The following ABCA13 variants were observed in gnomAD, a reference collection of about 807,000 sequenced individuals.
ABCA13 encodes ATP binding cassette subfamily A member 13, also known as ATP-binding cassette sub-family A member 13.
Under a neutral mutation model 478.7 loss-of-function variants are expected in ABCA13, and 476 were observed. The ratio of observed to expected loss-of-function variants is 0.99; its 90% CI spans 0.92 to 1.07. The LOEUF (loss-of-function observed/expected upper bound fraction) is 1.07, where lower values mean the gene tolerates loss of function less well. Ranked by LOEUF, ABCA13 falls within the 50% of genes least tolerant of loss-of-function variation. The pLI is 0.00. For synonymous variants in ABCA13, 2,252 were observed against 2,158.9 expected (o/e 1.04, Z -1.20); for missense variants, 6,060 against 5,910.6 (o/e 1.03, Z -0.83).
chr7:48,557,732 G>T (rs184917676), intron 55 of ABCA13, among the ~76,000 whole-genome samples: 1 of 151,922 alleles, frequency 6.6e-6, no homozygotes, highest in Non-Finnish European at 1.5e-5. Flanking sequence ...AAGTAATCAC[G>T]GTTTTTGACA....
chr7:48,478,311 A>ATAT (rs1828376064), intron 45 of ABCA13, among the ~76,000 whole-genome samples: 1 of 104,582 alleles, frequency 9.6e-6, no homozygotes, highest in Non-Finnish European at 1.9e-5. Flanking sequence ...ATATATATAT[A>ATAT]ATCACACACA....
rs568677092 is a variant in ABCA13 at position 48,483,123 on chromosome 7, G to A, written c.13142G>A (p.Gly4381Asp). 5 of 1,613,262 alleles carry A rather than the reference G, an allele frequency of 3.1e-6. No homozygotes were observed. In the East Asian group the frequency reaches 8.9e-5, roughly 29 times the overall value. ...TTAAAAATCCCCAGTGAAGCTGGAG[G>A]TGCAAATGGAAACATATCAAAACCC... ...FGLKIPSEAGGANGNISKPPT... is the reference protein window; with the variant it reads ...FGLKIPSEAGDANGNISKPPT... Residue 4381 changes from glycine to aspartate, a missense_variant, in exon 47 of 62, where the codon GGT (glycine) becomes GAT (aspartate). Coordinates refer to ENST00000435803, the MANE Select transcript of ABCA13 (RefSeq NM_152701.5).
At chr7:48,431,164 A>C (rs1366349209) in intron 42 of ABCA13, among the ~76,000 whole-genome samples, 1 of 151,976 alleles carries the variant, frequency 6.6e-6, no homozygotes, top group Non-Finnish European at 1.5e-5. Flanking sequence ...TTAAAGTCCC[A>C]TTTCATTTTA....
At chr7:48,219,562 C>A (rs201430277) in intron 4 of ABCA13, 57 bp downstream of exon 4, 1 of 1,547,628 alleles carries the variant, frequency 6.5e-7, no homozygotes, top group Non-Finnish European at 8.7e-7. Flanking sequence ...TTAAGGAGAG[C>A]TGTGGAGGCT....
intron 3 of ABCA13, among the ~76,000 whole-genome samples, chr7:48,203,202 C>G (rs987307357): frequency 6.6e-6 from 1 of 151,944 alleles, no homozygotes; most frequent in African/African-American, 2.4e-5. Context: ...GCCGGCTGCT[C>G]CGAGTGCGGG....
chr7:48,517,095 A>G (rs1209598678), intron 52 of ABCA13, among the ~76,000 whole-genome samples: 1 of 152,224 alleles, frequency 6.6e-6, no homozygotes, highest in Non-Finnish European at 1.5e-5. Context: ...ACAATTGACG[A>G]AAAAATGTTC....
intron 55 of ABCA13, among the ~76,000 whole-genome samples, chr7:48,562,472 GGAAT>G (rs1786568370): frequency 6.6e-6 from 1 of 152,004 alleles, no homozygotes; most frequent in Non-Finnish European, 1.5e-5. Flanking sequence ...GGGACCATGG[GGAAT>G]GAAACAAAGA....
intron 50 of ABCA13, among the ~76,000 whole-genome samples, chr7:48,510,786 A>G (rs565584097): frequency 2.0e-5 from 3 of 152,196 alleles, no homozygotes; most frequent in Admixed American, 6.5e-5. Flanking sequence ...GACACCAGTC[A>G]TGTTGGATGA....
chr7:48,270,832 A>G (rs555525319), intron 16 of ABCA13, among the ~76,000 whole-genome samples: 1 of 152,330 alleles, frequency 6.6e-6, no homozygotes, highest in African/African-American at 2.4e-5. Context: ...TAAATAGCCA[A>G]TAAAGGTCAA....
intron 55 of ABCA13, among the ~76,000 whole-genome samples, chr7:48,549,809 G>C (rs6583451): frequency 6.6e-6 from 1 of 151,430 alleles, no homozygotes; most frequent in Non-Finnish European, 1.5e-5. Flanking sequence ...ATTTCTCTAA[G>C]GATCAGTGAT....
Position 48,295,839 on chromosome 7 carries a change from A to G in ABCA13, c.9095A>G (p.Glu3032Gly), listed in dbSNP as rs1584698853. 6.2e-7 allele frequency: 1 copy of G among 1,613,206 alleles called. No individual in the cohort carries two copies. Among genetic ancestry groups the G allele is most frequent in the Non-Finnish European group, 8.5e-7 (1 of 1,179,380 alleles). Residue 3032 changes from glutamate to glycine, a missense_variant, in exon 21 of 62, where the codon GAG (glutamate) becomes GGG (glycine). Transcript: ENST00000435803. ...GACTGCACAAGCCAGCCGAGGCTGG[A>G]GACGGTGCAGCAGCACTTGTACATG... ...GQDCTSQPRL[E>G]TVQQHLYMLA... is the part of the protein sequence containing the mutation.
intron 59 of ABCA13, among the ~76,000 whole-genome samples, chr7:48,619,697 G>T (rs1792944301): frequency 2.0e-5 from 3 of 152,100 alleles, no homozygotes. Context: ...ATGCCAAGTG[G>T]CCTCCAAACC....
intron 52 of ABCA13, among the ~76,000 whole-genome samples, chr7:48,517,850 A>G (rs1278527728): frequency 6.6e-6 from 1 of 152,186 alleles, no homozygotes; most frequent in Middle Eastern, 3.2e-3. Context: ...AATGACCTGG[A>G]AAAGGTACTG....
chr7:48,373,581 C>G (rs1284435010), intron 33 of ABCA13, among the ~76,000 whole-genome samples: 1 of 152,134 alleles, frequency 6.6e-6, no homozygotes. Context: ...TGTAAAAACC[C>G]ATAACCAATA....
rs1584786753 is a variant in ABCA13 at position 48,313,031 on chromosome 7, T to A, written c.9517-36T>A. ...CTGAGTGTAAAAATACAGTGTTGGTTATTTCATGTTGTTTTGTTTTTGTTT... is the reference window on the plus strand; with the variant it reads ...CTGAGTGTAAAAATACAGTGTTGGTAATTTCATGTTGTTTTGTTTTTGTTT... On this transcript the variant is annotated intron_variant, in intron 24 of 61. Transcript: ENST00000435803. 3 of 1,512,454 alleles carry A rather than the reference T, an allele frequency of 2.0e-6. No homozygotes were observed. In the South Asian group the frequency reaches 4.1e-5, roughly 21 times the overall value. 93.7% of individuals were successfully genotyped at this position (1,512,454 alleles called of 1,614,324 possible).
chr7:48,396,686 A>T (rs984495308), intron 38 of ABCA13, among the ~76,000 whole-genome samples: 1 of 152,200 alleles, frequency 6.6e-6, no homozygotes, highest in South Asian at 2.1e-4. Flanking sequence ...GGATTCCATG[A>T]GTCTGAGAAG....
chr7:48,239,954 C>T (rs891896805), intron 9 of ABCA13, among the ~76,000 whole-genome samples: 3 of 152,198 alleles, frequency 2.0e-5, no homozygotes, highest in Non-Finnish European at 4.4e-5. Flanking sequence ...GCCTCAGAAG[C>T]TCATGGAGCC....
intron 27 of ABCA13, among the ~76,000 whole-genome samples, chr7:48,324,100 T>C (rs575425616): frequency 2.8e-4 from 42 of 152,276 alleles, no homozygotes; most frequent in Non-Finnish European, 5.3e-4. Flanking sequence ...CAGCCTGTAT[T>C]AGTTTTCTCA....
intron 39 of ABCA13, among the ~76,000 whole-genome samples, chr7:48,407,473 CA>C (rs71765027): frequency 0.21 from 29,283 of 140,060 alleles, 3,151 homozygotes; most frequent in East Asian, 0.24. Context: ...GAGACTGTGT[CA>C]AAAAAAAAAA....
Sources: allele counts gnomAD v4.1 joint callset (sites outside exome capture counted in the v4.1 genomes callset), GRCh38; gene constraint gnomAD v4.1.1; transcripts MANE v1.5; gene names NCBI Gene and HGNC (gene_info 2026-07-23, HGNC 2026-07-21).